ARHGEF40: variants seen among roughly 807,000 people sequenced by gnomAD.
ARHGEF40 encodes the protein Rho guanine nucleotide exchange factor (GEF) 40.
A neutral mutation model predicts 165.9 loss-of-function variants in ARHGEF40; 98 were observed. The ratio of observed to expected loss-of-function variants is 0.59; its 90% CI spans 0.50 to 0.70. The LOEUF is 0.70. Ranked by LOEUF, ARHGEF40 falls within the 30% of genes least tolerant of loss-of-function variation. The pLI is 0.00. For missense variants in ARHGEF40, 1,815 were observed against 1,968.0 expected (o/e 0.92, Z 1.47); for synonymous variants, 792 against 814.3 (o/e 0.97, Z 0.47).
chr14:21,075,874 T>C lies in ARHGEF40; in HGVS notation c.1739+109T>C. 7.3e-7 allele frequency: 1 copy of C among 1,371,994 alleles called. No homozygotes were observed. Among genetic ancestry groups the C allele is most frequent in the Non-Finnish European group, 9.8e-7 (1 of 1,017,966 alleles). 85.0% of individuals were successfully genotyped at this position (1,371,994 alleles called of 1,614,324 possible). Reference sequence around the variant, plus strand: ...CCTTCTGACCTCTAAGGACACCTACTTCTTCAACCTTCAGACTTCAAGCCA... The same window carrying C: ...CCTTCTGACCTCTAAGGACACCTACCTCTTCAACCTTCAGACTTCAAGCCA... On this transcript the variant is annotated intron_variant, in intron 5 of 23. Coordinates refer to ENST00000298694, the MANE Select transcript of ARHGEF40 (RefSeq NM_018071.5). This position sits in a 1 kb window ranked among gnomAD's most constrained non-coding sequence, Gnocchi z 4.5.
rs765974464 is a variant in ARHGEF40 at position 21,075,749 on chromosome 14, C to A, written c.1723C>A (p.Leu575Ile). 40 of 1,613,332 alleles carry A rather than the reference C, an allele frequency of 2.5e-5. 1 individual carries two copies. Among genetic ancestry groups the A allele is most frequent in the African/African-American group, 6.7e-5 (5 of 74,904 alleles). The change falls in exon 5 of 24, where the codon CTC (leucine) becomes ATC (isoleucine). Residue 575 changes from leucine (L) to isoleucine (I), a missense_variant. Leu to Ile is a conservative substitution (Grantham distance 5, BLOSUM62 2). Coordinates refer to ENST00000298694, the MANE Select transcript of ARHGEF40 (RefSeq NM_018071.5). The surrounding 1 kb of genome is among the most constrained non-coding windows in gnomAD (Gnocchi z 4.5). ...CACGCTGAACACAACTCTTCATTAC[C>A]TCCACTCACTGCTCAGGTAACCGAG... ...RDTLNTTLHY[L>I]HSLLRPDLQT...
chr14:21,064,405 G>C, the ARHGEF40 span, among the ~76,000 whole-genome samples: 1 of 151,964 alleles, frequency 6.6e-6, no homozygotes, highest in East Asian at 1.9e-4. Context: ...GGGTTCAAGC[G>C]ATTCTCCTGT....
At chr14:21,084,638 ACT>A (rs1831770053) in intron 17 of ARHGEF40, 113 bp from the exon 18 acceptor site, 1 of 1,178,696 alleles carries the variant, frequency 8.5e-7, no homozygotes, top group Non-Finnish European at 1.2e-6. Context: ...TGACTTCCTG[ACT>A]CTACCTGAGA....
In ARHGEF40 at chr14:21,076,462, C is replaced by T; in HGVS notation, c.1836+6C>T. On this transcript the variant is annotated splice_donor_region_variant and intron_variant, in intron 6 of 23. Coordinates refer to ENST00000298694, the MANE Select transcript of ARHGEF40 (RefSeq NM_018071.5). ...CTGCCTTGAGCCAACTTCAGGTAACCACCCCTCAAACAGGCAGTTCCCCTG... is the reference window on the plus strand; with the variant it reads ...CTGCCTTGAGCCAACTTCAGGTAACTACCCCTCAAACAGGCAGTTCCCCTG... 2 of 1,614,146 alleles carry T rather than the reference C, an allele frequency of 1.2e-6. No individual in the cohort carries two copies. The highest frequency in any genetic ancestry group is 1.7e-6 in the Non-Finnish European group (2 of 1,180,020).
upstream of ARHGEF40, among the ~76,000 whole-genome samples, chr14:21,068,928 A>C (rs943990): frequency 6.6e-6 from 1 of 152,174 alleles, no homozygotes; most frequent in African/African-American, 2.4e-5. Flanking sequence ...CCTTGGCGGC[A>C]CCCCCGCCTC....
chr14:21,081,049 C>T, intron 13 of ARHGEF40, 33 bp downstream of exon 13: 2 of 1,588,730 alleles, frequency 1.3e-6, no homozygotes, highest in African/African-American at 2.7e-5. Context: ...CTGTGCCCCC[C>T]CATTTCCATT....
At position 21,074,850 on chromosome 14, in the gene ARHGEF40, A is replaced by G; in HGVS notation, c.1120A>G (p.Arg374Gly). ...GAEGPPGTPR[R>G]TGKGNRRKKR... ...TGAAGGACCACCTGGTACCCCTCGGAGAACAGGCAAAGGAAACAGAAGAAA... is the reference window on the plus strand; with the variant it reads ...TGAAGGACCACCTGGTACCCCTCGGGGAACAGGCAAAGGAAACAGAAGAAA... The change falls in exon 3 of 24, where the codon AGA becomes GGA. Residue 374 changes from arginine to glycine, a missense_variant. By Grantham distance (125) the Arg-to-Gly change is moderately radical. Coordinates refer to ENST00000298694, the MANE Select transcript of ARHGEF40 (RefSeq NM_018071.5). The surrounding 1 kb of genome is among the most constrained non-coding windows in gnomAD (Gnocchi z 4.8). 6.2e-7 allele frequency: 1 copy of G among 1,610,008 alleles called. No individual in the cohort carries two copies. Among genetic ancestry groups the G allele is most frequent in the Non-Finnish European group, 8.5e-7 (1 of 1,178,418 alleles).
chr14:21,076,314 C>A, intron 5 of ARHGEF40, 46 bp from the exon 6 acceptor site: 1 of 1,536,908 alleles, frequency 6.5e-7, no homozygotes, highest in Non-Finnish European at 9.0e-7. Context: ...TGCTATCCCC[C>A]AAAACACACA....
the ARHGEF40 span, among the ~76,000 whole-genome samples, chr14:21,063,043 T>C: frequency 0.65 from 97,980 of 151,598 alleles, 31,881 homozygotes; most frequent in African/African-American, 0.66. Context: ...AGTGGGAGGA[T>C]TGCTTGAGCC....
In ARHGEF40 at chr14:21,090,236, A is replaced by C; in HGVS notation, c.*1228A>C. ...TGTACAAAAATAAACTCTCACGCCT[A>C]TGGACCAGCAAAGACTGGCAGAGTG... On this transcript the variant is annotated 3_prime_UTR_variant, in exon 24 of 24. Coordinates refer to ENST00000298694, the MANE Select transcript of ARHGEF40 (RefSeq NM_018071.5). The surrounding 1 kb of genome is among the most constrained non-coding windows in gnomAD (Gnocchi z 4.4). The C allele has an allele frequency of 1.6e-6, 1 of 635,398 alleles. No homozygotes were observed. The highest frequency in any genetic ancestry group is 2.9e-6 in the Non-Finnish European group (1 of 341,722). The allele number at this position is 635,398 out of a possible 1,614,324, so 39.4% of individuals were successfully genotyped here. A position where few individuals can be genotyped will look rare whatever the true frequency, so the allele number is the denominator to read the frequency against.
chr14:21,082,147 G>A (rs1045311009), intron 14 of ARHGEF40, 28 bp downstream of exon 14: 2 of 1,562,008 alleles, frequency 1.3e-6, no homozygotes, highest in Non-Finnish European at 1.7e-6. Flanking sequence ...CTGGTGCTAA[G>A]AGGCGGAGCC....
chr14:21,081,953 G>A lies in ARHGEF40; in HGVS notation c.3085G>A (p.Gly1029Ser), dbSNP rs775349138. ...EGPELAPEAE[G>S]RPPRAVLIRG... ...CCCTGAGCTGGCTCCAGAAGCAGAGGGCAGGCCCCCAAGAGCTGTGCTGAT... is the reference window on the plus strand; with the variant it reads ...CCCTGAGCTGGCTCCAGAAGCAGAGAGCAGGCCCCCAAGAGCTGTGCTGAT... Residue 1029 changes from glycine to serine, a missense_variant, in exon 14 of 24, where the codon GGC becomes AGC. Transcript: ENST00000298694. 3.0e-5 allele frequency: 48 copies of A among 1,605,408 alleles called. No individual in the cohort carries two copies. The highest frequency in any genetic ancestry group is 4.5e-5 in the East Asian group (2 of 44,398).
At chr14:21,080,199 G>GACAC (rs71112543) in intron 11 of ARHGEF40, among the ~76,000 whole-genome samples, 104 of 135,414 alleles carry the variant, frequency 7.7e-4, no homozygotes, top group East Asian at 6.9e-3. Flanking sequence ...ATTAAAGCCG[G>GACAC]ACACACACAC....
rs1328780864 is a variant in ARHGEF40, at chr14:21,074,471, G to A, written c.741G>A (p.Glu247=). The A allele has an allele frequency of 1.1e-5, 18 of 1,577,530 alleles. No individual in the cohort carries two copies. The highest frequency in any genetic ancestry group is 3.7e-5 in the Admixed American group (2 of 54,524). The part of the protein sequence containing the change: ...GPEGEYVELL[E]VTLPVRGSPT... The stretch of plus-strand genomic sequence containing the variant: ...AGGGCGAGTATGTGGAGCTGTTAGA[G>A]GTGACGCTGCCCGTGAGGGGGAGCC... The change falls in exon 3 of 24, where the codon GAG becomes GAA. Residue 247 remains glutamate (E), a synonymous_variant. Transcript: ENST00000298694. This position sits in a 1 kb window ranked among gnomAD's most constrained non-coding sequence, Gnocchi z 4.8.
Position 21,084,195 on chromosome 14 carries a change from C to T in ARHGEF40, c.3789+145C>T, listed in dbSNP as rs930266828. 1.2e-5 allele frequency: 9 copies of T among 747,452 alleles called. No individual in the cohort carries two copies. In the African/African-American group the frequency reaches 1.6e-4, roughly 13 times the overall value. 46.3% of individuals were successfully genotyped at this position (747,452 alleles called of 1,614,324 possible). A position where few individuals can be genotyped will look rare whatever the true frequency, so the allele number is the denominator to read the frequency against. Reference sequence around the variant, plus strand: ...ACCAGCTGGGTGGCCTTGATTGAGTCACTGAACTTCACTGGACTTCACTTT... The same window carrying T: ...ACCAGCTGGGTGGCCTTGATTGAGTTACTGAACTTCACTGGACTTCACTTT... On this transcript the variant is annotated intron_variant, in intron 17 of 23. Coordinates refer to ENST00000298694, the MANE Select transcript of ARHGEF40 (RefSeq NM_018071.5).
chr14:21,069,570 C>G (rs368545863), upstream of ARHGEF40, among the ~76,000 whole-genome samples: 2 of 152,344 alleles, frequency 1.3e-5, no homozygotes, highest in South Asian at 2.1e-4. Flanking sequence ...AACCCTGCCC[C>G]CTTGGCCAGG....
chr14:21,088,039 C>T lies in ARHGEF40; in HGVS notation c.4459C>T (p.His1487Tyr), dbSNP rs114151912. 35 of 1,614,078 alleles carry T rather than the reference C, an allele frequency of 2.2e-5. No individual in the cohort carries two copies. In the East Asian group the frequency reaches 5.8e-4, roughly 27 times the overall value. The stretch of plus-strand genomic sequence containing the variant: ...AAACAGCCCCAGCCTGCAACCCCCC[C>T]ACCCTGGGAGCAGCACTCCCACCCT... ...PRNSPSLQPP[H>Y]PGSSTPTLAS... Residue 1487 changes from histidine to tyrosine, a missense_variant, in exon 22 of 24, where the codon CAC becomes TAC. By Grantham distance (83) the His-to-Tyr change is moderately conservative (BLOSUM62 2). Coordinates refer to ENST00000298694, the MANE Select transcript of ARHGEF40 (RefSeq NM_018071.5).
intron 16 of ARHGEF40, among the ~76,000 whole-genome samples, chr14:21,083,477 G>A (rs1303162851): frequency 4.6e-5 from 7 of 152,180 alleles, no homozygotes; most frequent in Non-Finnish European, 1.0e-4. Flanking sequence ...GTGAACCTGG[G>A]AGGCGGAGCT....
At chr14:21,061,419 T>C in the ARHGEF40 span, among the ~76,000 whole-genome samples, 252 of 152,232 alleles carry the variant, frequency 1.7e-3, 2 homozygotes, top group African/African-American at 6.0e-3. Context: ...GCTGAAGAAT[T>C]AGATGGCGTG....
Sources: allele counts gnomAD v4.1 joint callset (sites outside exome capture counted in the v4.1 genomes callset), GRCh38; gene constraint gnomAD v4.1.1; non-coding constraint Gnocchi (gnomAD v3.1); transcripts MANE v1.5; gene names NCBI Gene and HGNC (gene_info 2026-07-23, HGNC 2026-07-21).